Variants in FAF1 observed in about 807,000 individuals in gnomAD.
The protein encoded by FAF1 is Fas associated factor 1, also known as FAS-associated factor 1.
Under a neutral mutation model 92.5 loss-of-function variants are expected in FAF1, and 25 were observed. The observed-to-expected ratio is 0.27, with a 90% CI of 0.20 to 0.38. FAF1 has a LOEUF of 0.38. Among genes scored for constraint, FAF1 ranks in the 10% least tolerant of loss-of-function variants. The probability of loss-of-function intolerance (pLI) is 1.00; values close to 1 mark genes in which losing one functional copy is unlikely to be tolerated. For missense variants in FAF1, 636 were observed against 793.3 expected (o/e 0.80, Z 2.38); for synonymous variants, 234 against 273.2 (o/e 0.86, Z 1.42).
At chr1:50,748,491 C>CA (rs11346307) in intron 4 of FAF1, among the ~76,000 whole-genome samples, 7 of 127,676 alleles carry the variant, frequency 5.5e-5, no homozygotes, top group African/African-American at 1.1e-4. Flanking sequence ...AACTCTGTCT[C>CA]AAAAAAAAAA....
At chr1:50,570,731 T>C (rs1486184900) in intron 12 of FAF1, among the ~76,000 whole-genome samples, 4 of 152,142 alleles carry the variant, frequency 2.6e-5, no homozygotes, top group African/African-American at 7.2e-5. Flanking sequence ...ATAAGCAAAA[T>C]ATAAAGACTC....
chr1:50,700,737 T>G (rs1191727854), intron 7 of FAF1, among the ~76,000 whole-genome samples: 1 of 152,114 alleles, frequency 6.6e-6, no homozygotes, highest in Non-Finnish European at 1.5e-5. Flanking sequence ...AACAAAAGGC[T>G]AAAGACTGTT....
intron 1 of FAF1, among the ~76,000 whole-genome samples, chr1:50,943,256 C>CA (rs1392349866): frequency 2.6e-5 from 4 of 152,162 alleles, no homozygotes; most frequent in African/African-American, 9.7e-5. Flanking sequence ...AGACTCCAAG[C>CA]AGCAGGATGA....
intron 8 of FAF1, among the ~76,000 whole-genome samples, chr1:50,611,743 C>T (rs1652695382): frequency 6.6e-6 from 1 of 152,134 alleles, no homozygotes; most frequent in African/African-American, 2.4e-5. Context: ...ACGTATTTTT[C>T]ACAATGCACA....
At chr1:50,713,127 T>C (rs1162030917) in intron 6 of FAF1, among the ~76,000 whole-genome samples, 1 of 118,804 alleles carries the variant, frequency 8.4e-6, no homozygotes, top group African/African-American at 3.4e-5. Context: ...ACCACTACAC[T>C]CCAGCCTGAG....
intron 1 of FAF1, among the ~76,000 whole-genome samples, chr1:50,881,703 A>C (rs1014290981): frequency 2.6e-5 from 4 of 152,218 alleles, no homozygotes; most frequent in Non-Finnish European, 5.9e-5. Flanking sequence ...TAGCAAAAAA[A>C]ACAAGCTTAT....
At chr1:50,733,718 G>C (rs1311589768) in intron 6 of FAF1, among the ~76,000 whole-genome samples, 1 of 152,150 alleles carries the variant, frequency 6.6e-6, no homozygotes, top group Admixed American at 6.6e-5. Flanking sequence ...CCTTCATCTT[G>C]GAGATTTCCA....
chr1:50,705,927 A>T, intron 6 of FAF1, 36 bp from the exon 7 acceptor site: 1 of 1,309,936 alleles, frequency 7.6e-7, no homozygotes, highest in Non-Finnish European at 1.1e-6. Context: ...GAACTCAGAG[A>T]TGAACAAGTT....
intron 4 of FAF1, 80 bp downstream of exon 4, chr1:50,787,920 A>T: frequency 8.1e-7 from 1 of 1,240,890 alleles, no homozygotes; most frequent in South Asian, 1.3e-5. Context: ...ACTGGTAGTC[A>T]ACTAGAAATA....
At chr1:50,606,153 G>C (rs181159780) in intron 8 of FAF1, among the ~76,000 whole-genome samples, 3 of 152,250 alleles carry the variant, frequency 2.0e-5, no homozygotes, top group East Asian at 1.9e-4. Flanking sequence ...TATCATATAG[G>C]TGTTTTCAGT....
intron 1 of FAF1, among the ~76,000 whole-genome samples, chr1:50,877,957 G>T (rs920920783): frequency 6.6e-6 from 1 of 152,194 alleles, no homozygotes; most frequent in African/African-American, 2.4e-5. Flanking sequence ...AGCAGCTGCT[G>T]AAACAACCTG....
chr1:50,742,387 G>C (rs543038315), intron 5 of FAF1, among the ~76,000 whole-genome samples: 3 of 145,200 alleles, frequency 2.1e-5, no homozygotes, highest in Admixed American at 6.8e-5. Context: ...ATTTGGGAGG[G>C]GGGGTGTGGC....
intron 8 of FAF1, among the ~76,000 whole-genome samples, chr1:50,613,596 T>C (rs1192370176): frequency 6.6e-6 from 1 of 152,190 alleles, no homozygotes; most frequent in African/African-American, 2.4e-5. Context: ...TTTTCAAATT[T>C]ATAATGTATA....
intron 18 of FAF1, chr1:50,462,108 T>C (rs1434036733): frequency 6.6e-6 from 1 of 150,454 alleles, no homozygotes; most frequent in African/African-American, 2.4e-5. Flanking sequence ...TATAAAAACT[T>C]GGGAGGTTGT....
intron 14 of FAF1, among the ~76,000 whole-genome samples, chr1:50,536,944 G>A (rs1304270024): frequency 6.6e-6 from 1 of 152,118 alleles, no homozygotes; most frequent in African/African-American, 2.4e-5. Context: ...AGATATGACA[G>A]ATGACAAAAG....
intron 1 of FAF1, among the ~76,000 whole-genome samples, chr1:50,917,702 A>AGGAAAGGAAG (rs1177622658): frequency 6.8e-6 from 1 of 148,098 alleles, no homozygotes; most frequent in Non-Finnish European, 1.5e-5. Flanking sequence ...AGGAAAGGAA[A>AGGAAAGGAAG]AGAAAGAAAA....
chr1:50,450,297 G>A lies in FAF1; in HGVS notation c.1870-8774C>T, dbSNP rs1028084437. Reference sequence around the variant, plus strand: ...TTAAATGGTCCCAACAATTCTATGAGATAAGTACTCCTATTATTTCAATTT... The same window carrying A: ...TTAAATGGTCCCAACAATTCTATGAAATAAGTACTCCTATTATTTCAATTT... On this transcript the variant is annotated intron_variant, in intron 18 of 18. Coordinates refer to ENST00000396153, the MANE Select transcript of FAF1 (RefSeq NM_007051.3). 2.0e-5 allele frequency among the ~76,000 whole-genome samples: 3 copies of A among 152,068 alleles called. No homozygotes were observed. In the South Asian group the frequency reaches 6.2e-4, roughly 32 times the overall value.
intron 4 of FAF1, among the ~76,000 whole-genome samples, chr1:50,770,975 C>A (rs532608628): frequency 6.6e-6 from 1 of 152,084 alleles, no homozygotes; most frequent in South Asian, 2.1e-4. Flanking sequence ...ATCTGATCTT[C>A]GACAAAGTTG....
intron 1 of FAF1, among the ~76,000 whole-genome samples, chr1:50,950,444 G>C (rs968481567): frequency 6.6e-6 from 1 of 152,168 alleles, no homozygotes; most frequent in Non-Finnish European, 1.5e-5. Flanking sequence ...GGCTTGTAAG[G>C]CCATTAAAAT....
Sources: gnomAD v4.1 joint callset for allele counts (sites outside exome capture counted in the v4.1 genomes callset) on GRCh38, gnomAD v4.1.1 for gene constraint, MANE v1.5 for transcripts, NCBI Gene and HGNC (gene_info 2026-07-23, HGNC 2026-07-21) for gene names.